DDX31: variants seen among roughly 807,000 people sequenced by gnomAD.
DDX31 encodes DEAD-box helicase 31.
A neutral mutation model predicts 91.3 loss-of-function variants in DDX31; 70 were observed. The ratio of observed to expected loss-of-function variants is 0.77; its 90% CI spans 0.63 to 0.94. DDX31 has a LOEUF of 0.94. Among genes scored for constraint, DDX31 ranks in the 40% least tolerant of loss-of-function variants. The pLI is 0.00. For missense variants in DDX31, 902 were observed against 925.0 expected, an observed-to-expected ratio of 0.98 and a Z score of 0.32; for synonymous variants, 362 against 350.6, an observed-to-expected ratio of 1.03 and a Z score of -0.36.
intron 14 of DDX31, among the ~76,000 whole-genome samples, chr9:132,635,132 T>C (rs1240390725): frequency 6.6e-6 from 1 of 152,198 alleles, no homozygotes; most frequent in African/African-American, 2.4e-5. Context: ...GGTGTGTGCT[T>C]CCCATGGTTC....
chr9:132,617,190 T>C (rs1054006111), intron 18 of DDX31, among the ~76,000 whole-genome samples: 20 of 152,258 alleles, frequency 1.3e-4, no homozygotes, highest in Middle Eastern at 3.4e-3. Flanking sequence ...CTGCCCAGAA[T>C]GCCCTTCCTT....
At chr9:132,612,535 G>A (rs1032747909) in intron 18 of DDX31, among the ~76,000 whole-genome samples, 4 of 152,176 alleles carry the variant, frequency 2.6e-5, no homozygotes, top group African/African-American at 4.8e-5. Flanking sequence ...ATCCCACAGG[G>A]TGGGGCCCAG....
chr9:132,662,447 T>C lies in DDX31; in HGVS notation c.324A>G (p.Glu108=), dbSNP rs1314771441. 6.2e-7 allele frequency: 1 copy of C among 1,614,134 alleles called. No individual in the cohort carries two copies. Among genetic ancestry groups the C allele is most frequent in the Non-Finnish European group, 8.5e-7 (1 of 1,180,006 alleles). The change falls in exon 2 of 20, where the codon GAA becomes GAG. Residue 108 remains glutamate (E), a synonymous_variant. Transcript: ENST00000372159. The part of the protein sequence containing the change: ...SLFKNNPDIP[E]LHRPVVKQVQ... ...TCCGCCCCTGGACATACCTGTGGAG[T>C]TCTGGAATGTCAGGGTTGTTTTTAA...
At chr9:132,648,593 G>C (rs760031118) in intron 9 of DDX31, 42 bp from the exon 10 acceptor site, 3 of 1,571,534 alleles carry the variant, frequency 1.9e-6, no homozygotes, top group Non-Finnish European at 2.6e-6. Flanking sequence ...AAATCAAACA[G>C]GGCCACGCCA....
At chr9:132,635,502 C>T (rs566911905) in intron 14 of DDX31, among the ~76,000 whole-genome samples, 1 of 145,888 alleles carries the variant, frequency 6.9e-6, no homozygotes, top group Admixed American at 6.9e-5. Context: ...CTCTGTCGCC[C>T]AGGCTGGAGT....
rs187001914 is a variant in DDX31 at position 132,648,606 on chromosome 9, A to G, written c.741-55T>C. On this transcript the variant is annotated intron_variant, in intron 9 of 19. Transcript: ENST00000372159. ...GTAAATCAAACAGGGCCACGCCAGT[A>G]GAAAACACAGGAAAAAGGCAAAATA... The G allele has an allele frequency of 2.0e-5, 31 of 1,552,160 alleles. No homozygotes were observed. The Admixed American group carries it at 5.4e-4, about 27-fold the overall frequency.
At chr9:132,647,140 C>A in intron 11 of DDX31, 82 bp from the exon 12 acceptor site, 2 of 1,280,464 alleles carry the variant, frequency 1.6e-6, no homozygotes, top group South Asian at 1.3e-5. Flanking sequence ...ATACAGCACC[C>A]ACCCATGTAT....
intron 16 of DDX31, among the ~76,000 whole-genome samples, chr9:132,626,557 G>A (rs934704658): frequency 5.9e-5 from 9 of 152,140 alleles, no homozygotes; most frequent in Non-Finnish European, 1.0e-4. Context: ...TACTTCCCAG[G>A]GAGAAAGAGA....
chr9:132,659,822 C>T (rs1834820425), intron 4 of DDX31, 42 bp from the exon 5 acceptor site: 2 of 1,592,718 alleles, frequency 1.3e-6, no homozygotes, highest in Non-Finnish European at 1.7e-6. Context: ...CCTATATTAC[C>T]CAGTTACTGG....
chr9:132,599,678 T>C (rs1032661374), intron 19 of DDX31, among the ~76,000 whole-genome samples: 1 of 152,258 alleles, frequency 6.6e-6, no homozygotes, highest in Non-Finnish European at 1.5e-5. Context: ...CTTTTGGCTT[T>C]GAGTTGGTTT....
chr9:132,621,715 C>T (rs1464215178), intron 17 of DDX31, among the ~76,000 whole-genome samples: 1 of 152,158 alleles, frequency 6.6e-6, no homozygotes, highest in African/African-American at 2.4e-5. Context: ...TTATTTCTTA[C>T]GCATAACAGA....
intron 11 of DDX31, among the ~76,000 whole-genome samples, chr9:132,647,580 C>T (rs1411238223): frequency 6.6e-6 from 1 of 152,122 alleles, no homozygotes; most frequent in Non-Finnish European, 1.5e-5. Context: ...CTGGTACATG[C>T]ACATCATAAT....
rs142766436 is a variant in DDX31 at position 132,611,767 on chromosome 9, G to A, written c.1994+320C>T. On this transcript the variant is annotated intron_variant, in intron 19 of 19. Coordinates refer to ENST00000372159, the MANE Select transcript of DDX31 (RefSeq NM_022779.9). ...AGCCCTTCCATCTCACTGGAACAAG[G>A]TATGCTCCCAGGCCTCGTCACACAG... 4.3e-3 allele frequency among the ~76,000 whole-genome samples: 652 copies of A among 151,952 alleles called. 10 individuals are homozygous for A. The highest frequency in any genetic ancestry group is 0.015 in the African/African-American group (601 of 41,430).
intron 12 of DDX31, among the ~76,000 whole-genome samples, chr9:132,646,373 T>G (rs182374689): frequency 6.6e-6 from 1 of 152,274 alleles, no homozygotes; most frequent in East Asian, 1.9e-4. Flanking sequence ...GCTTGCCACA[T>G]GCAACACTAC....
intron 19 of DDX31, among the ~76,000 whole-genome samples, chr9:132,598,484 C>A (rs1404461508): frequency 6.6e-6 from 1 of 152,158 alleles, no homozygotes; most frequent in African/African-American, 2.4e-5. Flanking sequence ...TGAATAAACC[C>A]CCCCTCAGTT....
chr9:132,661,349 T>C (rs891942002), intron 3 of DDX31, 98 bp from the exon 4 acceptor site: 2 of 1,045,506 alleles, frequency 1.9e-6, no homozygotes, highest in Non-Finnish European at 2.8e-6. Flanking sequence ...GAACATTGAC[T>C]ACTATGATCA....
chr9:132,593,993 C>A lies in DDX31; in HGVS notation c.*873G>T, dbSNP rs1283778163. 2.7e-5 allele frequency: 4 copies of A among 149,480 alleles called. No individual in the cohort carries two copies. Among genetic ancestry groups the A allele is most frequent in the African/African-American group, 5.0e-5 (2 of 40,400 alleles). 9.3% of individuals were successfully genotyped at this position (149,480 alleles called of 1,614,324 possible). The stretch of plus-strand genomic sequence containing the variant: ...TATGCTCCAGGGGGCCTCTTTCAAA[C>A]CTCCCAGAAAACACAATGCAGGGGC... On this transcript the variant is annotated 3_prime_UTR_variant, in exon 20 of 20. Transcript: ENST00000372159.
chr9:132,609,973 A>C (rs1831235954), intron 19 of DDX31, among the ~76,000 whole-genome samples: 1 of 152,122 alleles, frequency 6.6e-6, no homozygotes, highest in African/African-American at 2.4e-5. Context: ...TCTGCTCTCA[A>C]AGTGTCACCA....
chr9:132,618,778 G>A (rs918721538), intron 17 of DDX31, among the ~76,000 whole-genome samples: 1 of 152,168 alleles, frequency 6.6e-6, no homozygotes, highest in Non-Finnish European at 1.5e-5. Context: ...CACTGAACAT[G>A]AGCTGTTTTC....
Sources: allele counts gnomAD v4.1 joint callset (sites outside exome capture counted in the v4.1 genomes callset), GRCh38; gene constraint gnomAD v4.1.1; transcripts MANE v1.5; gene names NCBI Gene and HGNC (gene_info 2026-07-23, HGNC 2026-07-21).